The following LRRD1 variants were observed in gnomAD, a reference collection of about 807,000 sequenced individuals.
LRRD1 encodes the protein leucine-rich repeat and death domain-containing protein 1.
A neutral mutation model predicts 69.5 loss-of-function variants in LRRD1; 49 were observed. The ratio of observed to expected loss-of-function variants is 0.70; its 90% CI spans 0.56 to 0.89. The LOEUF is 0.89. Among genes scored for constraint, LRRD1 ranks in the 40% least tolerant of loss-of-function variants. The probability of loss-of-function intolerance (pLI) is 0.00; values close to 1 mark genes in which losing one functional copy is unlikely to be tolerated. For missense variants in LRRD1, 853 were observed against 956.0 expected, an observed-to-expected ratio of 0.89 and a Z score of 1.42; for synonymous variants, 303 against 338.9, an observed-to-expected ratio of 0.89 and a Z score of 1.16.
chr7:92,145,140 T>C (rs1276221792), intron 5 of LRRD1, 66 bp from the exon 6 acceptor site: 1 of 848,912 alleles, frequency 1.2e-6, no homozygotes, highest in Non-Finnish European at 1.6e-6. Context: ...TTTAAATTAC[T>C]GATAATTATC....
chr7:92,151,767 G>A (rs1348927158), intron 3 of LRRD1, among the ~76,000 whole-genome samples: 2 of 151,974 alleles, frequency 1.3e-5, no homozygotes. Flanking sequence ...TGGCCAACAT[G>A]GCAAAACCCC....
In LRRD1 at chr7:92,168,102, A is replaced by G. The variant is rs1172219133; in HGVS notation, c.-74-2826T>C. 5.3e-5 allele frequency among the ~76,000 whole-genome samples: 8 copies of G among 152,248 alleles called. No homozygotes were observed. The East Asian group carries it at 1.5e-3, about 29-fold the overall frequency. On this transcript the variant is annotated intron_variant, in intron 1 of 5. Transcript: ENST00000458448. ...AATATCCCAGAACTCAAACATGAGG[A>G]GGAAATAGTTCCTAAGACCGCAAAG...
chr7:92,175,193 T>G (rs997320425), intron 1 of LRRD1, among the ~76,000 whole-genome samples: 3 of 152,188 alleles, frequency 2.0e-5, no homozygotes, highest in African/African-American at 7.2e-5. Context: ...AGTCAAAGTA[T>G]TTAGGTTTGT....
chr7:92,172,874 C>G (rs1789087232), intron 1 of LRRD1, among the ~76,000 whole-genome samples: 1 of 151,954 alleles, frequency 6.6e-6, no homozygotes, highest in African/African-American at 2.4e-5. Flanking sequence ...CACAGAAGAC[C>G]CTGAATAGCC....
At chr7:92,143,344 C>A (rs1820218105), downstream of LRRD1, among the ~76,000 whole-genome samples, 1 of 152,188 alleles carries the variant, frequency 6.6e-6, no homozygotes. Flanking sequence ...GGTAGAGCTG[C>A]CTGTCAATCC....
intron 3 of LRRD1, among the ~76,000 whole-genome samples, chr7:92,153,248 A>G (rs1202116170): frequency 6.6e-6 from 1 of 151,670 alleles, no homozygotes; most frequent in African/African-American, 2.4e-5. Context: ...TATTTTTAGT[A>G]GAGATGGGGT....
Position 92,144,904 on chromosome 7 carries a change from C to G in LRRD1, c.2567G>C (p.Arg856Pro). 1 of 1,489,892 alleles carries G rather than the reference C, an allele frequency of 6.7e-7. No homozygotes were observed. Among genetic ancestry groups the G allele is most frequent in the Non-Finnish European group, 9.0e-7 (1 of 1,111,488 alleles). The allele number at this position is 1,489,892 out of a possible 1,614,324, so 92.3% of individuals were successfully genotyped here. The stretch of plus-strand genomic sequence containing the variant: ...ATCCACTGGTTAGAATTTAATTGCA[C>G]GCGTAAAAAGATTTAAAGCTGTTAT... ...DKITALNLFT[R>P]AIKF is the part of the protein sequence containing the mutation. Residue 856 changes from arginine to proline, a missense_variant, in exon 6 of 6, where the codon CGT (arginine) becomes CCT (proline). By Grantham distance (103) the Arg-to-Pro change is moderately radical (BLOSUM62 -2). Around this residue, in one of 3 missense-constraint regions of LRRD1, gnomAD observed 739 missense variants for 808.0 expected, o/e 0.91. Coordinates refer to ENST00000458448, the MANE Select transcript of LRRD1 (RefSeq NM_001161528.2).
intron 1 of LRRD1, among the ~76,000 whole-genome samples, chr7:92,174,992 G>C (rs1264626017): frequency 1.3e-5 from 2 of 151,976 alleles, no homozygotes; most frequent in East Asian, 3.9e-4. Context: ...TTGAACTCAG[G>C]AGGTGGAGGT....
chr7:92,174,507 ATAT>A (rs1256469904), intron 1 of LRRD1, among the ~76,000 whole-genome samples: 4 of 16,642 alleles, frequency 2.4e-4, no homozygotes, highest in South Asian at 2.5e-3. Flanking sequence ...ATATATATAT[ATAT>A]TTTTTTTTTT....
intron 1 of LRRD1, among the ~76,000 whole-genome samples, chr7:92,172,516 A>G (rs1563195217): frequency 6.6e-6 from 1 of 152,174 alleles, no homozygotes; most frequent in Non-Finnish European, 1.5e-5. Flanking sequence ...TCAACATACA[A>G]AAATCAGTAG....
intron 2 of LRRD1, among the ~76,000 whole-genome samples, chr7:92,163,036 A>G (rs1247195560): frequency 6.6e-6 from 1 of 152,242 alleles, no homozygotes; most frequent in African/African-American, 2.4e-5. Context: ...ATAAAAAGGA[A>G]TCTATAGAAT....
chr7:92,175,878 T>C (rs1789184754), intron 1 of LRRD1, among the ~76,000 whole-genome samples: 1 of 152,264 alleles, frequency 6.6e-6, no homozygotes, highest in African/African-American at 2.4e-5. Context: ...AAATTATTCA[T>C]TGATTTCTAA....
In LRRD1 at chr7:92,153,466, GT is replaced by G. The variant is rs990081357; in HGVS notation, c.2117-2772del. On this transcript the variant is annotated intron_variant, in intron 3 of 5. Coordinates refer to ENST00000458448, the MANE Select transcript of LRRD1 (RefSeq NM_001161528.2). ...GTTTGACTTCTTAATTTTGTTTTTAGTTTTTTTTTTTTTAAGTATTAAGCAA... is the reference window on the plus strand; with the variant it reads ...GTTTGACTTCTTAATTTTGTTTTTAGTTTTTTTTTTTTAAGTATTAAGCAA... Among the ~76,000 whole-genome samples, 284 of 142,188 alleles carry G rather than the reference GT, an allele frequency of 2.0e-3. 2 individuals are homozygous for G. The highest frequency in any genetic ancestry group is 7.9e-3 in the Admixed American group (112 of 14,196). 93.3% of individuals were successfully genotyped at this position (142,188 alleles called of 152,430 possible).
At position 92,163,979 on chromosome 7, in the gene LRRD1, T is replaced by C; in HGVS notation, c.1224A>G (p.Thr408=). 7 of 1,530,348 alleles carry C rather than the reference T, an allele frequency of 4.6e-6. No individual in the cohort carries two copies. The highest frequency in any genetic ancestry group is 6.1e-6 in the Non-Finnish European group (7 of 1,139,910). 94.8% of individuals were successfully genotyped at this position (1,530,348 alleles called of 1,614,324 possible). The part of the protein sequence containing the change: ...ECLSLSDNKL[T]ELPKYIHKLN... Reference sequence around the variant, plus strand: ...GCTTATGGATGTACTTAGGGAGTTCTGTTAATTTATTATCACTAAGACTAA... The same window carrying C: ...GCTTATGGATGTACTTAGGGAGTTCCGTTAATTTATTATCACTAAGACTAA... The change falls in exon 2 of 6, where the codon ACA becomes ACG. Residue 408 remains threonine, a synonymous_variant. Coordinates refer to ENST00000458448, the MANE Select transcript of LRRD1 (RefSeq NM_001161528.2).
chr7:92,146,248 CTATTT>C (rs1216874038), intron 4 of LRRD1, 48 bp from the exon 5 acceptor site: 8 of 925,882 alleles, frequency 8.6e-6, no homozygotes, highest in African/African-American at 5.1e-5. Context: ...AAAAGATAAT[CTATTT>C]TGAGTTCATA....
At chr7:92,165,935 A>G (rs1788899469) in intron 1 of LRRD1, among the ~76,000 whole-genome samples, 1 of 151,998 alleles carries the variant, frequency 6.6e-6, no homozygotes, top group Admixed American at 6.5e-5. Flanking sequence ...AAAGAGTACC[A>G]TTCTCACTGT....
chr7:92,154,819 A>G (rs1788617936), intron 3 of LRRD1, among the ~76,000 whole-genome samples: 1 of 152,174 alleles, frequency 6.6e-6, no homozygotes, highest in African/African-American at 2.4e-5. Context: ...CTCCTTATCC[A>G]TGGGAGATAC....
At chr7:92,160,106 A>G (rs934077653) in intron 2 of LRRD1, among the ~76,000 whole-genome samples, 2 of 152,212 alleles carry the variant, frequency 1.3e-5, no homozygotes, top group African/African-American at 2.4e-5. Context: ...AAGTGTTGCA[A>G]AATTGCAGGA....
At chr7:92,142,943 G>A (rs1031257940), downstream of LRRD1, 14 of 275,454 alleles carry the variant, frequency 5.1e-5, no homozygotes, top group Admixed American at 1.9e-4. Flanking sequence ...GAAGGGGACC[G>A]GAACAGGTTG....
Sources: allele counts gnomAD v4.1 joint callset (sites outside exome capture counted in the v4.1 genomes callset), GRCh38; gene constraint gnomAD v4.1.1; regional missense constraint gnomAD v4.1.1; transcripts MANE v1.5; gene names NCBI Gene and HGNC (gene_info 2026-07-23, HGNC 2026-07-21).